The following BRINP3 variants were observed in gnomAD, a reference collection of about 807,000 sequenced individuals.
BRINP3 encodes BMP/retinoic acid-inducible neural-specific protein 3.
A neutral mutation model predicts 71.0 loss-of-function variants in BRINP3; 19 were observed. That is an observed-to-expected ratio of 0.27 (90% confidence interval 0.19 to 0.39). The LOEUF is 0.39. Among genes scored for constraint, BRINP3 ranks in the 10% least tolerant of loss-of-function variants. The pLI is 1.00. For missense variants in BRINP3, 959 were observed against 940.8 expected (o/e 1.02, Z -0.25); for synonymous variants, 380 against 337.7 (o/e 1.13, Z -1.37).
At chr1:190,433,896 CT>C (rs1572034518) in intron 2 of BRINP3, among the ~76,000 whole-genome samples, 1 of 152,042 alleles carries the variant, frequency 6.6e-6, no homozygotes, top group Non-Finnish European at 1.5e-5. Flanking sequence ...TATATGTGTT[CT>C]TGAGCATTTC....
chr1:190,419,364 T>C (rs1037941305), intron 2 of BRINP3, among the ~76,000 whole-genome samples: 12 of 152,198 alleles, frequency 7.9e-5, no homozygotes, highest in African/African-American at 2.4e-4. Context: ...CTATAAAACA[T>C]AAAATGTATA....
intron 1 of BRINP3, among the ~76,000 whole-genome samples, chr1:190,469,705 A>G (rs542985458): frequency 6.6e-6 from 1 of 150,896 alleles, no homozygotes; most frequent in Non-Finnish European, 1.5e-5. Context: ...TGATTTTATT[A>G]ATTTTTGTTC....
chr1:190,375,499 T>G (rs1377073925), intron 2 of BRINP3, among the ~76,000 whole-genome samples: 3 of 151,906 alleles, frequency 2.0e-5, no homozygotes, highest in Non-Finnish European at 4.4e-5. Flanking sequence ...CATAACAAAC[T>G]GAATAAAAGC....
In BRINP3 at chr1:190,356,591, G is replaced by A. The variant is rs200461174; in HGVS notation, c.237-74841C>T. 5.3e-5 allele frequency among the ~76,000 whole-genome samples: 8 copies of A among 151,876 alleles called. No homozygotes were observed. In the East Asian group the frequency reaches 1.5e-3, roughly 29 times the overall value. On this transcript the variant is annotated intron_variant, in intron 2 of 7. Coordinates refer to ENST00000367462, the MANE Select transcript of BRINP3 (RefSeq NM_199051.3). Reference sequence around the variant, plus strand: ...TCCCTCTCTTATCTCTGTTTCTATGGTCACATCTTGTTCTCTGGTTCAGAC... The same window carrying A: ...TCCCTCTCTTATCTCTGTTTCTATGATCACATCTTGTTCTCTGGTTCAGAC...
At chr1:190,346,151 G>A (rs1328159858) in intron 2 of BRINP3, among the ~76,000 whole-genome samples, 2 of 151,800 alleles carry the variant, frequency 1.3e-5, no homozygotes, top group African/African-American at 4.8e-5. Flanking sequence ...ACCATCAACT[G>A]TAGTAAAATG....
intron 6 of BRINP3, among the ~76,000 whole-genome samples, chr1:190,171,157 G>A (rs754552442): frequency 1.1e-4 from 16 of 152,086 alleles, no homozygotes; most frequent in Non-Finnish European, 2.2e-4. Flanking sequence ...TGGCCTAAGC[G>A]GTCAGTGTGG....
At chr1:190,328,866 A>G (rs1446600043) in intron 2 of BRINP3, among the ~76,000 whole-genome samples, 3 of 152,146 alleles carry the variant, frequency 2.0e-5, no homozygotes, top group Admixed American at 2.0e-4. Context: ...GGTTGGTTCA[A>G]CATAGAGAAA....
intron 6 of BRINP3, among the ~76,000 whole-genome samples, chr1:190,185,154 C>A (rs1402690589): frequency 6.6e-6 from 1 of 152,018 alleles, no homozygotes; most frequent in Non-Finnish European, 1.5e-5. Context: ...AAATAATCAA[C>A]AGACTGAAAA....
At chr1:190,212,340 A>G (rs1282604625) in intron 6 of BRINP3, among the ~76,000 whole-genome samples, 1 of 152,122 alleles carries the variant, frequency 6.6e-6, no homozygotes, top group Non-Finnish European at 1.5e-5. Context: ...GCTTCCTTCT[A>G]GTAAAGCTTG....
chr1:190,373,443 T>C (rs539178082), intron 2 of BRINP3, among the ~76,000 whole-genome samples: 1 of 151,400 alleles, frequency 6.6e-6, no homozygotes, highest in South Asian at 2.1e-4. Context: ...TATGTGTGTG[T>C]GTGTGTGTGT....
chr1:190,475,030 C>T (rs1405874227), intron 1 of BRINP3, among the ~76,000 whole-genome samples: 1 of 151,750 alleles, frequency 6.6e-6, no homozygotes, highest in Admixed American at 6.6e-5. Flanking sequence ...CTTTTAACTT[C>T]AACCTTATAT....
chr1:190,338,048 T>C, intron 2 of BRINP3, among the ~76,000 whole-genome samples: 1 of 152,080 alleles, frequency 6.6e-6, no homozygotes, highest in East Asian at 1.9e-4. Flanking sequence ...TTAGTCTACA[T>C]AATACATCCC....
intron 6 of BRINP3, among the ~76,000 whole-genome samples, chr1:190,188,779 T>C (rs1653769295): frequency 6.6e-6 from 1 of 151,728 alleles, no homozygotes. Context: ...TTTTTTCACA[T>C]GGTGGAGTCT....
chr1:190,317,002 A>C (rs899865204), intron 2 of BRINP3, among the ~76,000 whole-genome samples: 4 of 151,654 alleles, frequency 2.6e-5, no homozygotes, highest in African/African-American at 9.7e-5. Context: ...GTGAAACCCC[A>C]TCTCTACTAA....
At chr1:190,232,015 A>G (rs1257249845) in intron 5 of BRINP3, among the ~76,000 whole-genome samples, 1 of 151,988 alleles carries the variant, frequency 6.6e-6, no homozygotes, top group Non-Finnish European at 1.5e-5. Flanking sequence ...TCTCAATAAT[A>G]TATCTAAATT....
chr1:190,474,930 C>G (rs1188327475), intron 1 of BRINP3: 3 of 152,106 alleles, frequency 2.0e-5, no homozygotes, highest in Non-Finnish European at 2.9e-5. Context: ...CTTCCCACCC[C>G]CACCTCCAGA....
intron 2 of BRINP3, among the ~76,000 whole-genome samples, chr1:190,451,420 G>A (rs1675597500): frequency 6.6e-6 from 1 of 152,138 alleles, no homozygotes; most frequent in Non-Finnish European, 1.5e-5. Flanking sequence ...TATCCTGACA[G>A]GCTTACAGCC....
At chr1:190,374,697 T>C (rs1391469250) in intron 2 of BRINP3, among the ~76,000 whole-genome samples, 1 of 151,632 alleles carries the variant, frequency 6.6e-6, no homozygotes, top group African/African-American at 2.4e-5. Flanking sequence ...ATTTATAATA[T>C]AAATAACAAT....
chr1:190,419,181 G>A (rs1673196590), intron 2 of BRINP3, among the ~76,000 whole-genome samples: 1 of 151,622 alleles, frequency 6.6e-6, no homozygotes, highest in South Asian at 2.1e-4. Flanking sequence ...ATATCAAAAG[G>A]GGAAATAAAA....
Sources: gnomAD v4.1 joint callset for allele counts (sites outside exome capture counted in the v4.1 genomes callset) on GRCh38, gnomAD v4.1.1 for gene constraint, MANE v1.5 for transcripts, NCBI Gene and HGNC (gene_info 2026-07-23, HGNC 2026-07-21) for gene names.